The following MS4A6E variants were observed in gnomAD, a reference collection of about 807,000 sequenced individuals.
MS4A6E encodes the protein membrane-spanning 4-domains subfamily A member 6E.
Under a neutral mutation model 13.2 loss-of-function variants are expected in MS4A6E, and 8 were observed. The observed-to-expected ratio is 0.60, with a 90% CI of 0.35 to 1.09. The LOEUF (loss-of-function observed/expected upper bound fraction) is 1.09, where lower values mean the gene tolerates loss of function less well. Ranked by LOEUF, MS4A6E falls within the 50% of genes least tolerant of loss-of-function variation. The pLI is 0.02. For missense variants in MS4A6E, 177 were observed against 171.1 expected, an observed-to-expected ratio of 1.03 and a Z score of -0.19; for synonymous variants, 72 against 67.6, an observed-to-expected ratio of 1.06 and a Z score of -0.32.
chr11:60,337,603 G>T, intron 2 of MS4A6E, 138 bp from the exon 3 acceptor site: 1 of 1,000,224 alleles, frequency 1.0e-6, no homozygotes, highest in Non-Finnish European at 1.5e-6. Context: ...CACTGGAGAG[G>T]CCTACAACAA....
At chr11:60,342,144 A>AGT (rs757687887), downstream of MS4A6E, among the ~76,000 whole-genome samples, 969 of 125,078 alleles carry the variant, frequency 7.7e-3, 15 homozygotes, top group African/African-American at 0.013. Context: ...AGGATAAACA[A>AGT]GTGTGTGTGT....
At chr11:60,348,312 A>T (rs2085264735) in intron 4 of MS4A6E, among the ~76,000 whole-genome samples, 1 of 152,204 alleles carries the variant, frequency 6.6e-6, no homozygotes, top group South Asian at 2.1e-4. Context: ...CCACTGGGTG[A>T]TGCTGTTGAC....
At chr11:60,348,776 A>G (rs549450050) in intron 4 of MS4A6E, among the ~76,000 whole-genome samples, 3 of 152,396 alleles carry the variant, frequency 2.0e-5, no homozygotes, top group East Asian at 1.9e-4. Flanking sequence ...GGGATTGGCC[A>G]TGGTATCTCC....
At chr11:60,328,294 T>A (rs1241511311) in intron 1 of MS4A6E, among the ~76,000 whole-genome samples, 8 of 152,176 alleles carry the variant, frequency 5.3e-5, no homozygotes, top group Non-Finnish European at 8.8e-5. Flanking sequence ...TTTAGAAAAT[T>A]ATCAGCCTGG....
At chr11:60,337,986 G>A (rs745766469) in intron 3 of MS4A6E, 39 bp downstream of exon 3, 2 of 1,573,268 alleles carry the variant, frequency 1.3e-6, no homozygotes, top group Admixed American at 1.7e-5. Flanking sequence ...ATTTTATGAG[G>A]TTTCTGAAAG....
rs750501246 is a variant in MS4A6E at position 60,339,936 on chromosome 11, A to G, written c.425A>G (p.Gln142Arg). Residue 142 changes from glutamine to arginine, a missense_variant, in exon 4 of 5, where the codon CAG becomes CGG. Gln to Arg is a conservative substitution (Grantham distance 43). Transcript: ENST00000684409. ...FCLAVLTAVL[Q>R]WKQTV Reference sequence around the variant, plus strand: ...CTAGCTGTGCTCACTGCTGTGCTGCAGTGGAAACAGACTGTCTGACTTCCC... The same window carrying G: ...CTAGCTGTGCTCACTGCTGTGCTGCGGTGGAAACAGACTGTCTGACTTCCC... 7.3e-5 allele frequency: 118 copies of G among 1,613,700 alleles called. No homozygotes were observed. The East Asian group carries it at 7.8e-4, about 11-fold the overall frequency.
chr11:60,345,199 G>T (rs1331806899), downstream of MS4A6E, among the ~76,000 whole-genome samples: 1 of 152,200 alleles, frequency 6.6e-6, no homozygotes, highest in Non-Finnish European at 1.5e-5. Flanking sequence ...CTCCCAAAGT[G>T]CTGGGATTAC....
downstream of MS4A6E, among the ~76,000 whole-genome samples, chr11:60,346,141 A>G (rs4939343): frequency 1 from 152,045 of 152,304 alleles, 75,894 homozygotes; most frequent in Middle Eastern, 1. Flanking sequence ...TGTCTCTGGG[A>G]GCAGTCTGAT....
chr11:60,338,020 C>T, intron 3 of MS4A6E, 73 bp downstream of exon 3: 12 of 1,447,280 alleles, frequency 8.3e-6, no homozygotes, highest in Non-Finnish European at 1.1e-5. Context: ...TTATTCCATC[C>T]TTTGAAAATC....
At chr11:60,332,668 T>G (rs1264480753) in intron 1 of MS4A6E, among the ~76,000 whole-genome samples, 1 of 152,198 alleles carries the variant, frequency 6.6e-6, no homozygotes, top group African/African-American at 2.4e-5. Context: ...TATTAACTGA[T>G]TCAGAGAACC....
At chr11:60,339,813 T>C in intron 3 of MS4A6E, 53 bp from the exon 4 acceptor site, 1 of 1,520,730 alleles carries the variant, frequency 6.6e-7, no homozygotes, top group Non-Finnish European at 9.1e-7. Flanking sequence ...AAACTAGGCA[T>C]GAAAGCTTCG....
chr11:60,333,970 C>T (rs1277409998), intron 1 of MS4A6E, among the ~76,000 whole-genome samples: 1 of 152,172 alleles, frequency 6.6e-6, no homozygotes, highest in Non-Finnish European at 1.5e-5. Flanking sequence ...TTTTACTCGT[C>T]CTGGCCTCTT....
At chr11:60,334,849 T>A (rs570709886) in intron 1 of MS4A6E, 33 bp from the exon 2 acceptor site, 3 of 1,607,286 alleles carry the variant, frequency 1.9e-6, no homozygotes, top group Non-Finnish European at 2.6e-6. Context: ...AGCTCTGTAC[T>A]TTTAAGAGCT....
intron 4 of MS4A6E, among the ~76,000 whole-genome samples, chr11:60,348,107 C>T (rs1182499666): frequency 6.6e-6 from 1 of 152,178 alleles, no homozygotes; most frequent in East Asian, 1.9e-4. Context: ...GGTGGTTTTC[C>T]TGCTAACAGG....
downstream of MS4A6E, among the ~76,000 whole-genome samples, chr11:60,344,911 GTTTT>G (rs56284334): frequency 0.072 from 10,901 of 151,802 alleles, 761 homozygotes; most frequent in African/African-American, 0.18. Context: ...TGTTTGTTTT[GTTTT>G]TTTTGTTTGT....
At chr11:60,329,215 T>C (rs7931689) in intron 1 of MS4A6E, among the ~76,000 whole-genome samples, 52,827 of 150,468 alleles carry the variant, frequency 0.35, 9,847 homozygotes, top group East Asian at 0.42. Flanking sequence ...CGTTGTTCAA[T>C]TCCCACTTAT....
downstream of MS4A6E, among the ~76,000 whole-genome samples, chr11:60,342,045 G>A (rs189339465): frequency 4.2e-4 from 64 of 152,146 alleles, no homozygotes; most frequent in African/African-American, 1.5e-3. Context: ...TAGGGATTTC[G>A]CTAACTGTTA....
In MS4A6E at chr11:60,331,120, T is replaced by A. The variant is rs576792199; in HGVS notation, c.-15+3712T>A. ...TTAAATATGTACAATGAAATTTATT[T>A]TACAAAATGTAAGTGCTTGATATCC... On this transcript the variant is annotated intron_variant, in intron 1 of 4. Coordinates refer to ENST00000684409, the MANE Select transcript of MS4A6E (RefSeq NM_139249.4). 1.7e-4 allele frequency among the ~76,000 whole-genome samples: 26 copies of A among 152,340 alleles called. No individual in the cohort carries two copies. In the South Asian group the frequency reaches 4.8e-3, roughly 28 times the overall value.
At chr11:60,340,388 C>A (rs559860579) in intron 4 of MS4A6E, among the ~76,000 whole-genome samples, 2 of 152,290 alleles carry the variant, frequency 1.3e-5, no homozygotes, top group Admixed American at 1.3e-4. Flanking sequence ...GGCCTTTACA[C>A]ATGTGACTGG....
Sources: gnomAD v4.1 joint callset for allele counts (sites outside exome capture counted in the v4.1 genomes callset) on GRCh38, gnomAD v4.1.1 for gene constraint, MANE v1.5 for transcripts, NCBI Gene and HGNC (gene_info 2026-07-23, HGNC 2026-07-21) for gene names.